Variants in MGAT4C observed in about 807,000 individuals in gnomAD.
MGAT4C encodes the protein alpha-1,3-mannosyl-glycoprotein 4-beta-N-acetylglucosaminyltransferase C.
MGAT4C carries 19 observed loss-of-function variants against 40.1 expected under a neutral mutation model. The observed-to-expected ratio is 0.47, with a 90% CI of 0.33 to 0.70. The LOEUF (loss-of-function observed/expected upper bound fraction) is 0.70. Among genes scored for constraint, MGAT4C ranks in the 30% least tolerant of loss-of-function variants. The pLI is 0.02. For synonymous variants in MGAT4C, 181 were observed against 187.1 expected (o/e 0.97, Z 0.27); for missense variants, 491 against 563.2 (o/e 0.87, Z 1.30).
intron 1 of MGAT4C, among the ~76,000 whole-genome samples, chr12:86,170,319 C>G (rs1886673873): frequency 2.0e-5 from 3 of 152,150 alleles, no homozygotes; most frequent in Admixed American, 2.0e-4. Flanking sequence ...TTCCTCTCAC[C>G]TCCTAGGATC....
At chr12:86,651,810 A>T (rs1045671330) in intron 2 of MGAT4C, among the ~76,000 whole-genome samples, 1 of 151,864 alleles carries the variant, frequency 6.6e-6, no homozygotes, top group Non-Finnish European at 1.5e-5. Flanking sequence ...TACTTATGAA[A>T]CAGGATGTTA....
intron 4 of MGAT4C, among the ~76,000 whole-genome samples, chr12:86,274,108 G>A (rs77288720): frequency 0.019 from 2,943 of 152,182 alleles, 80 homozygotes; most frequent in African/African-American, 0.067. Flanking sequence ...GCAGGAGAAG[G>A]AGCAACAAAG....
At chr12:86,220,353 T>C (rs538079934) in intron 1 of MGAT4C, among the ~76,000 whole-genome samples, 1 of 152,316 alleles carries the variant, frequency 6.6e-6, no homozygotes, top group South Asian at 2.1e-4. Flanking sequence ...GATTTCATGA[T>C]CAATAGCTTT....
intron 1 of MGAT4C, among the ~76,000 whole-genome samples, chr12:86,168,551 A>T (rs1291262684): frequency 6.6e-6 from 1 of 152,198 alleles, no homozygotes; most frequent in African/African-American, 2.4e-5. Context: ...TTCAGGAAGT[A>T]TGTGAGACTG....
intron 3 of MGAT4C, among the ~76,000 whole-genome samples, chr12:86,403,283 T>C (rs183602561): frequency 3.3e-5 from 5 of 152,346 alleles, no homozygotes; most frequent in African/African-American, 1.2e-4. Context: ...AATGATGCTT[T>C]AATATATTTA....
intron 1 of MGAT4C, among the ~76,000 whole-genome samples, chr12:86,187,444 C>T (rs978298331): frequency 1.3e-5 from 2 of 151,868 alleles, no homozygotes; most frequent in East Asian, 1.9e-4. Context: ...TTCCATTGTC[C>T]GAAACAGGGT....
intron 2 of MGAT4C, among the ~76,000 whole-genome samples, chr12:86,579,786 T>A (rs998372084): frequency 2.0e-5 from 3 of 151,556 alleles, no homozygotes; most frequent in Non-Finnish European, 4.4e-5. Context: ...GTATTTCTCT[T>A]TCATGTTTGA....
chr12:85,983,658 G>A lies in MGAT4C; in HGVS notation c.160C>T (p.Gln54Ter). The A allele has an allele frequency of 6.3e-7, 1 of 1,575,846 alleles. No individual in the cohort carries two copies. The highest frequency in any genetic ancestry group is 8.6e-7 in the Non-Finnish European group (1 of 1,163,604). ...EDSYVLEGDK[Q>*]LIRETSTHQL... ...TGTGTGGATGTTTCCCTTATAAGTT[G>A]TTTGTCTCCTTCCTAAATACCAAGA... The change falls in exon 4 of 5, where the codon CAA (glutamine) becomes TAA (stop). Residue 54 changes from glutamine to a stop codon, truncating the protein, a stop_gained. Coordinates refer to ENST00000611864, the MANE Select transcript of MGAT4C (RefSeq NM_001351288.2). LOFTEE classifies it high-confidence loss of function.
chr12:86,692,775 T>C (rs545248240), intron 2 of MGAT4C, among the ~76,000 whole-genome samples: 1 of 152,202 alleles, frequency 6.6e-6, no homozygotes, highest in Non-Finnish European at 1.5e-5. Context: ...AAGGTAGCCC[T>C]ACTTGACCCT....
At chr12:86,687,750 G>A (rs1005209682) in intron 2 of MGAT4C, among the ~76,000 whole-genome samples, 35 of 152,110 alleles carry the variant, frequency 2.3e-4, no homozygotes, top group African/African-American at 8.4e-4. Flanking sequence ...GTTTTACTTC[G>A]AATTATGTGG....
At chr12:85,990,792 T>C (rs1885821331) in intron 2 of MGAT4C, among the ~76,000 whole-genome samples, 1 of 152,224 alleles carries the variant, frequency 6.6e-6, no homozygotes, top group Non-Finnish European at 1.5e-5. Context: ...TTATTTTTCT[T>C]ATAAATTTGT....
intron 2 of MGAT4C, among the ~76,000 whole-genome samples, chr12:86,031,961 C>T (rs761691173): frequency 1.3e-5 from 2 of 151,836 alleles, no homozygotes; most frequent in Admixed American, 1.3e-4. Context: ...GTTCTCTTAT[C>T]TGTGTCCATA....
At chr12:86,456,352 A>G (rs1275019142) in intron 2 of MGAT4C, among the ~76,000 whole-genome samples, 1 of 152,126 alleles carries the variant, frequency 6.6e-6, no homozygotes, top group Non-Finnish European at 1.5e-5. Flanking sequence ...CTTTATTAAA[A>G]TGAGTAACAG....
intron 2 of MGAT4C, among the ~76,000 whole-genome samples, chr12:86,012,782 ACCACCACCACCACC>A (rs1565857912): frequency 0.026 from 3,565 of 136,318 alleles, 67 homozygotes; most frequent in Middle Eastern, 0.07. Flanking sequence ...AACAACAACC[ACCACCACCACCACC>A]ACCACCACCA....
At chr12:85,984,642 CTATT>C (rs1325738373) in intron 3 of MGAT4C, among the ~76,000 whole-genome samples, 18 of 152,036 alleles carry the variant, frequency 1.2e-4, no homozygotes, top group Admixed American at 1.2e-3. Flanking sequence ...AGGAAAATGA[CTATT>C]TGTTTGACTC....
At chr12:86,408,479 C>CTGTATATATATATATATATA (rs1267344319) in intron 3 of MGAT4C, among the ~76,000 whole-genome samples, 13 of 63,342 alleles carry the variant, frequency 2.1e-4, no homozygotes, top group African/African-American at 9.4e-4. Context: ...CTCTCTCTCT[C>CTGTATATATATATATATATA]TATATATATA....
chr12:86,735,430 C>T (rs1271988469), intron 1 of MGAT4C, among the ~76,000 whole-genome samples: 3 of 151,710 alleles, frequency 2.0e-5, no homozygotes, highest in South Asian at 2.1e-4. Context: ...GAGGTAGACA[C>T]GGAAGCCAGG....
At chr12:86,084,568 A>G (rs1486960984) in intron 1 of MGAT4C, among the ~76,000 whole-genome samples, 1 of 151,972 alleles carries the variant, frequency 6.6e-6, no homozygotes, top group Non-Finnish European at 1.5e-5. Context: ...GAATAGTTAC[A>G]TAGAGAAACA....
intron 2 of MGAT4C, among the ~76,000 whole-genome samples, chr12:86,652,242 G>A (rs996321239): frequency 1.3e-5 from 2 of 151,944 alleles, no homozygotes; most frequent in South Asian, 4.2e-4. Context: ...ATTATGGATA[G>A]AATAACTAAA....
Sources: gnomAD v4.1 joint callset for allele counts (sites outside exome capture counted in the v4.1 genomes callset) on GRCh38, gnomAD v4.1.1 for gene constraint, MANE v1.5 for transcripts, NCBI Gene and HGNC (gene_info 2026-07-23, HGNC 2026-07-21) for gene names.